Variants in ROBO2 observed in about 807,000 individuals in gnomAD.
The protein encoded by ROBO2 is roundabout guidance receptor 2.
ROBO2 carries 53 observed loss-of-function variants against 160.8 expected under a neutral mutation model. The ratio of observed to expected loss-of-function variants is 0.33; its 90% CI spans 0.26 to 0.41. The LOEUF (loss-of-function observed/expected upper bound fraction) is 0.41, where lower values mean the gene tolerates loss of function less well. Among genes scored for constraint, ROBO2 ranks in the 10% least tolerant of loss-of-function variants. The pLI, the probability that ROBO2 is intolerant of heterozygous loss-of-function variation, is 1.00. For missense variants in ROBO2, 1,577 were observed against 1,722.4 expected (o/e 0.92, Z 1.49); for synonymous variants, 664 against 611.7 (o/e 1.09, Z -1.26).
chr3:77,016,362 A>G (rs1252511189), intron 2 of ROBO2, among the ~76,000 whole-genome samples: 1 of 152,192 alleles, frequency 6.6e-6, no homozygotes, highest in Non-Finnish European at 1.5e-5. Flanking sequence ...AATCAGATCC[A>G]TACATAAATC....
intron 2 of ROBO2, among the ~76,000 whole-genome samples, chr3:76,218,261 G>T (rs1018843676): frequency 6.6e-6 from 1 of 152,164 alleles, no homozygotes; most frequent in Non-Finnish European, 1.5e-5. Flanking sequence ...ACAAGACAGG[G>T]ATGCCCTCTC....
intron 2 of ROBO2, among the ~76,000 whole-genome samples, chr3:76,640,622 TG>T (rs2090624756): frequency 6.6e-6 from 1 of 151,306 alleles, no homozygotes; most frequent in South Asian, 2.1e-4. Context: ...TGTGTGTGTG[TG>T]TGTGTGGCCG....
At chr3:76,318,884 G>C (rs2072272894) in intron 2 of ROBO2, among the ~76,000 whole-genome samples, 1 of 152,134 alleles carries the variant, frequency 6.6e-6, no homozygotes, top group Non-Finnish European at 1.5e-5. Flanking sequence ...AAAGTGATGA[G>C]AGTTGGTAAT....
intron 2 of ROBO2, among the ~76,000 whole-genome samples, chr3:77,288,941 A>C (rs560626877): frequency 6.6e-6 from 1 of 152,182 alleles, no homozygotes. Context: ...TTACGGCACC[A>C]TGTGAGACCT....
At chr3:77,635,706 G>A (rs927735401) in intron 24 of ROBO2, among the ~76,000 whole-genome samples, 1 of 152,146 alleles carries the variant, frequency 6.6e-6, no homozygotes, top group African/African-American at 2.4e-5. Context: ...GAAACACGCT[G>A]CACAGATTTT....
intron 2 of ROBO2, among the ~76,000 whole-genome samples, chr3:76,610,033 C>T (rs923347391): frequency 6.6e-6 from 1 of 152,114 alleles, no homozygotes; most frequent in Non-Finnish European, 1.5e-5. Flanking sequence ...GTTGAGCCAT[C>T]CTTGCATCCC....
chr3:76,531,615 A>C (rs1205037891), intron 2 of ROBO2, among the ~76,000 whole-genome samples: 1 of 136,020 alleles, frequency 7.4e-6, no homozygotes. Flanking sequence ...TTGTTTGTAC[A>C]GTTTCTTTTT....
intron 5 of ROBO2, among the ~76,000 whole-genome samples, chr3:77,503,961 T>A (rs2088059181): frequency 6.6e-6 from 1 of 152,208 alleles, no homozygotes. Context: ...AGTTTCAAAG[T>A]ATTTCAGGGT....
At chr3:77,138,039 C>A (rs1481341392) in intron 2 of ROBO2, among the ~76,000 whole-genome samples, 1 of 152,060 alleles carries the variant, frequency 6.6e-6, no homozygotes, top group Non-Finnish European at 1.5e-5. Flanking sequence ...TGAATCTGAA[C>A]GACTACCAGG....
intron 2 of ROBO2, among the ~76,000 whole-genome samples, chr3:77,144,120 C>T (rs2076939968): frequency 1.3e-5 from 2 of 152,194 alleles, no homozygotes; most frequent in Non-Finnish European, 2.9e-5. Context: ...ACAGACCAGC[C>T]ACTTAATGTC....
chr3:76,513,708 T>C (rs986364473), intron 2 of ROBO2, among the ~76,000 whole-genome samples: 5 of 152,212 alleles, frequency 3.3e-5, no homozygotes, highest in Admixed American at 6.5e-5. Context: ...AATTTTCAAA[T>C]GTGTAAACAA....
At chr3:76,545,031 A>C (rs1034349707) in intron 2 of ROBO2, among the ~76,000 whole-genome samples, 2 of 151,978 alleles carry the variant, frequency 1.3e-5, no homozygotes, top group Non-Finnish European at 2.9e-5. Flanking sequence ...CTTACACAGA[A>C]GATACAATCA....
At chr3:76,793,256 C>A (rs1233417463) in intron 2 of ROBO2, among the ~76,000 whole-genome samples, 1 of 151,714 alleles carries the variant, frequency 6.6e-6, no homozygotes, top group Non-Finnish European at 1.5e-5. Context: ...TAACAAATAT[C>A]TATTATTAAT....
At chr3:76,889,814 TG>T (rs745787155) in intron 2 of ROBO2, among the ~76,000 whole-genome samples, 19 of 152,190 alleles carry the variant, frequency 1.2e-4, no homozygotes, top group Non-Finnish European at 2.4e-4. Context: ...ATTTGTTTTT[TG>T]TTTTTTTCCT....
rs79303590 is a variant in ROBO2 at position 76,779,428 on chromosome 3, C to T, written c.110-318586C>T. 7.3e-4 allele frequency among the ~76,000 whole-genome samples: 111 copies of T among 151,030 alleles called. 2 individuals carry two copies. In the East Asian group the frequency reaches 0.02, roughly 27 times the overall value. On this transcript the variant is annotated intron_variant, in intron 2 of 26. Transcript: ENST00000487694. The stretch of plus-strand genomic sequence containing the variant: ...GGCAAAAAATTATTAGCTTTAGGCA[C>T]TGTGCTAGTAGTAGATCTCAATAAC...
At chr3:77,276,719 G>C (rs115248938) in intron 2 of ROBO2, among the ~76,000 whole-genome samples, 2 of 152,124 alleles carry the variant, frequency 1.3e-5, no homozygotes, top group African/African-American at 4.8e-5. Flanking sequence ...CTGTTCTCAC[G>C]TGGCTAATAA....
At chr3:77,560,016 A>G (rs547676719) in intron 9 of ROBO2, among the ~76,000 whole-genome samples, 10 of 152,202 alleles carry the variant, frequency 6.6e-5, no homozygotes, top group Non-Finnish European at 1.5e-4. Flanking sequence ...TTTAACCTCT[A>G]TTTCTGGGCT....
At chr3:76,285,884 A>T (rs1480596163) in intron 2 of ROBO2, among the ~76,000 whole-genome samples, 1 of 152,018 alleles carries the variant, frequency 6.6e-6, no homozygotes, top group Non-Finnish European at 1.5e-5. Context: ...GTGTTCTTGT[A>T]TACAGTCCTG....
intron 13 of ROBO2, among the ~76,000 whole-genome samples, chr3:77,569,147 T>A (rs961936230): frequency 2.6e-5 from 4 of 152,026 alleles, no homozygotes; most frequent in Non-Finnish European, 5.9e-5. Context: ...TGGACACATG[T>A]TTTCATTTAT....
Sources: allele counts gnomAD v4.1 joint callset (sites outside exome capture counted in the v4.1 genomes callset), GRCh38; gene constraint gnomAD v4.1.1; transcripts MANE v1.5; gene names NCBI Gene and HGNC (gene_info 2026-07-23, HGNC 2026-07-21).